Variants in KCNIP4 observed in about 807,000 individuals in gnomAD.
KCNIP4 encodes the protein Kv channel-interacting protein 4.
KCNIP4 carries 12 observed loss-of-function variants against 34.0 expected under a neutral mutation model. The ratio of observed to expected loss-of-function variants is 0.35; its 90% CI spans 0.23 to 0.57. The LOEUF is 0.57. Among genes scored for constraint, KCNIP4 ranks in the 20% least tolerant of loss-of-function variants. The pLI, the probability that KCNIP4 is intolerant of heterozygous loss-of-function variation, is 0.83. For missense variants in KCNIP4, 238 were observed against 311.7 expected (o/e 0.76, Z 1.78); for synonymous variants, 124 against 102.2 (o/e 1.21, Z -1.29).
chr4:21,941,457 C>G lies in KCNIP4; in HGVS notation c.61+7114G>C, dbSNP rs577189085. ...ACTGTTGACATCTGGAGATGGAAGT[C>G]TATTTTTCCTCCAAAACCTTTTTGT... On this transcript the variant is annotated intron_variant, in intron 1 of 8. Coordinates refer to ENST00000382152, the MANE Select transcript of KCNIP4 (RefSeq NM_025221.6). Among the ~76,000 whole-genome samples, 29 of 151,100 alleles carry G rather than the reference C, an allele frequency of 1.9e-4. No homozygotes were observed. In the South Asian group the frequency reaches 4.0e-3, roughly 21 times the overall value.
At chr4:20,994,853 A>T (rs570319749) in intron 1 of KCNIP4, among the ~76,000 whole-genome samples, 16 of 152,346 alleles carry the variant, frequency 1.1e-4, no homozygotes, top group African/African-American at 3.1e-4. Flanking sequence ...TGCTCTGAAC[A>T]TGAGAAAGCC....
rs558524274 is a variant in KCNIP4, at chr4:21,049,973, C to T, written c.62-167264G>A. Among the ~76,000 whole-genome samples, 3 of 152,296 alleles carry T rather than the reference C, an allele frequency of 2.0e-5. No individual in the cohort carries two copies. In the South Asian group the frequency reaches 6.2e-4, roughly 32 times the overall value. On this transcript the variant is annotated intron_variant, in intron 1 of 8. Coordinates refer to ENST00000382152, the MANE Select transcript of KCNIP4 (RefSeq NM_025221.6). Reference sequence around the variant, plus strand: ...ATGCATCTTGCAGCTTATATAACCACCAATTCAGACACCAGAGGTGACAGT... The same window carrying T: ...ATGCATCTTGCAGCTTATATAACCATCAATTCAGACACCAGAGGTGACAGT...
intron 1 of KCNIP4, among the ~76,000 whole-genome samples, chr4:21,124,834 C>A (rs1353497878): frequency 6.6e-6 from 1 of 152,064 alleles, no homozygotes; most frequent in Non-Finnish European, 1.5e-5. Flanking sequence ...TTTCCTCTCC[C>A]TCAAGAGCAT....
At chr4:21,059,852 A>G (rs1743761492) in intron 1 of KCNIP4, among the ~76,000 whole-genome samples, 1 of 152,094 alleles carries the variant, frequency 6.6e-6, no homozygotes, top group Non-Finnish European at 1.5e-5. Flanking sequence ...ACAACATGAG[A>G]CACTGTGGTA....
chr4:21,419,262 T>C (rs184866241), intron 1 of KCNIP4, among the ~76,000 whole-genome samples: 1 of 152,310 alleles, frequency 6.6e-6, no homozygotes, highest in African/African-American at 2.4e-5. Context: ...TAATGACCTA[T>C]GTGTTATTCC....
intron 1 of KCNIP4, among the ~76,000 whole-genome samples, chr4:21,611,026 T>C (rs933948302): frequency 6.6e-6 from 1 of 152,082 alleles, no homozygotes; most frequent in African/African-American, 2.4e-5. Flanking sequence ...TGTCCATGTG[T>C]TCTCATTGTT....
chr4:21,515,372 C>T (rs143315867), intron 1 of KCNIP4, among the ~76,000 whole-genome samples: 330 of 152,308 alleles, frequency 2.2e-3, no homozygotes, highest in African/African-American at 7.3e-3. Flanking sequence ...AGTGAGGTGG[C>T]TCATGCCTGT....
chr4:21,870,110 C>T (rs1037083254), intron 1 of KCNIP4, among the ~76,000 whole-genome samples: 2 of 152,124 alleles, frequency 1.3e-5, no homozygotes, highest in Non-Finnish European at 2.9e-5. Flanking sequence ...CCAGTGGACT[C>T]TAGGTCCCTT....
At chr4:21,714,893 T>C (rs13152338) in intron 1 of KCNIP4, among the ~76,000 whole-genome samples, 1 of 230 alleles carries the variant, frequency 4.3e-3, no homozygotes, top group South Asian at 0.1. Flanking sequence ...TATTTTATTT[T>C]ATTTTATTTT....
At chr4:21,286,151 A>G in intron 1 of KCNIP4, among the ~76,000 whole-genome samples, 1 of 151,958 alleles carries the variant, frequency 6.6e-6, no homozygotes, top group African/African-American at 2.4e-5. Context: ...TATCTTTCCT[A>G]TTTTGAATGC....
chr4:21,460,621 C>G (rs1270562375), intron 1 of KCNIP4, among the ~76,000 whole-genome samples: 4 of 152,082 alleles, frequency 2.6e-5, no homozygotes, highest in African/African-American at 9.7e-5. Context: ...TCTTCCTCTT[C>G]TTATAAAGAT....
At chr4:20,833,321 C>G (rs906057504) in intron 3 of KCNIP4, among the ~76,000 whole-genome samples, 1 of 152,040 alleles carries the variant, frequency 6.6e-6, no homozygotes, top group African/African-American at 2.4e-5. Flanking sequence ...CCCGTCTCTA[C>G]TAAAAATACA....
rs371156319 is a variant in KCNIP4, at chr4:21,925,792, C to G, written c.61+22779G>C. On this transcript the variant is annotated intron_variant, in intron 1 of 8. Coordinates refer to ENST00000382152, the MANE Select transcript of KCNIP4 (RefSeq NM_025221.6). ...CGGTCCACTATATATCAAGACCCCA[C>G]GATAAGAGAGACTGGTGATCCCAGC... Among the ~76,000 whole-genome samples the G allele has an allele frequency of 3.5e-4, 54 of 152,208 alleles. 1 individual carries two copies. The highest frequency in any genetic ancestry group is 4.6e-4 in the Admixed American group (7 of 15,280).
At chr4:21,377,227 T>G (rs150078751) in intron 1 of KCNIP4, among the ~76,000 whole-genome samples, 98 of 152,316 alleles carry the variant, frequency 6.4e-4, no homozygotes, top group African/African-American at 2.2e-3. Flanking sequence ...CAAAGTGCTA[T>G]GAAGAGCTAG....
intron 1 of KCNIP4, among the ~76,000 whole-genome samples, chr4:21,393,930 A>G (rs1722760436): frequency 6.6e-6 from 1 of 152,184 alleles, no homozygotes; most frequent in South Asian, 2.1e-4. Flanking sequence ...TAAAAAATTT[A>G]TGGTCCAGAT....
chr4:21,021,937 A>G (rs1160093742), intron 1 of KCNIP4, among the ~76,000 whole-genome samples: 1 of 151,682 alleles, frequency 6.6e-6, no homozygotes, highest in African/African-American at 2.4e-5. Flanking sequence ...AAAGTCATGT[A>G]TTATCATTAG....
At chr4:20,820,912 C>T (rs1461080250) in intron 3 of KCNIP4, among the ~76,000 whole-genome samples, 5 of 152,190 alleles carry the variant, frequency 3.3e-5, no homozygotes, top group African/African-American at 9.6e-5. Context: ...ATCTTGGCAG[C>T]ACCCACCTGG....
chr4:21,796,017 T>C (rs1367883108), intron 1 of KCNIP4, among the ~76,000 whole-genome samples: 4 of 152,126 alleles, frequency 2.6e-5, no homozygotes, highest in Non-Finnish European at 5.9e-5. Context: ...AGCAGTGAGC[T>C]GAGATTGTGC....
At chr4:21,456,002 C>T (rs966407275) in intron 1 of KCNIP4, among the ~76,000 whole-genome samples, 1 of 145,386 alleles carries the variant, frequency 6.9e-6, no homozygotes, top group Non-Finnish European at 1.5e-5. Context: ...TCTAGTCCTC[C>T]TTCCATCGTA....
Sources: gnomAD v4.1 joint callset for allele counts (sites outside exome capture counted in the v4.1 genomes callset) on GRCh38, gnomAD v4.1.1 for gene constraint, MANE v1.5 for transcripts, NCBI Gene and HGNC (gene_info 2026-07-23, HGNC 2026-07-21) for gene names.